NCAPD2: variants seen among roughly 807,000 people sequenced by gnomAD.
NCAPD2 encodes condensin complex subunit 1.
A neutral mutation model predicts 164.5 loss-of-function variants in NCAPD2; 100 were observed. That is an observed-to-expected ratio of 0.61 (90% CI 0.52 to 0.72). The LOEUF (loss-of-function observed/expected upper bound fraction) is 0.72, where lower values mean the gene tolerates loss of function less well. Among genes scored for constraint, NCAPD2 ranks in the 30% least tolerant of loss-of-function variants. The probability of loss-of-function intolerance (pLI) is 0.00; values close to 1 mark genes in which losing one functional copy is unlikely to be tolerated. For missense variants in NCAPD2, 1,560 were observed against 1,749.2 expected (o/e 0.89, Z 1.93); for synonymous variants, 585 against 642.6 (o/e 0.91, Z 1.36).
intron 2 of NCAPD2, among the ~76,000 whole-genome samples, chr12:6,508,401 C>T (rs1033071178): frequency 6.6e-6 from 1 of 151,842 alleles, no homozygotes; most frequent in Non-Finnish European, 1.5e-5. Flanking sequence ...ATCGCAGAGA[C>T]CAAGTATGGG....
In NCAPD2 at chr12:6,526,048, CTG is replaced by C; in HGVS notation, c.2349-17_2349-16del. On this transcript the variant is annotated intron_variant, in intron 18 of 31. Coordinates refer to ENST00000315579, the MANE Select transcript of NCAPD2 (RefSeq NM_014865.4). ...GTCCAATCCATGACTGCCTTTAACT[CTG>C]TGGCTTCCTTCCCCTAGAGGAAAGC... 1 of 1,612,530 alleles carries C rather than the reference CTG, an allele frequency of 6.2e-7. No homozygotes were observed. The highest frequency in any genetic ancestry group is 8.5e-7 in the Non-Finnish European group (1 of 1,179,704).
chr12:6,503,173 A>G (rs1946054490), intron 2 of NCAPD2, among the ~76,000 whole-genome samples: 2 of 152,074 alleles, frequency 1.3e-5, no homozygotes, highest in South Asian at 2.1e-4. Context: ...TTTCTAATAC[A>G]CTTACTGTAA....
At position 6,528,911 on chromosome 12, in the gene NCAPD2, T is replaced by G. The variant is rs1325094749; in HGVS notation, c.3478-34T>G. On this transcript the variant is annotated intron_variant, in intron 26 of 31. Coordinates refer to ENST00000315579, the MANE Select transcript of NCAPD2 (RefSeq NM_014865.4). The surrounding 1 kb of genome is among the most constrained non-coding windows in gnomAD (Gnocchi z 5.1). ...CTGCAGAGGGAATCTGTAGGTCACC[T>G]CATCTCCTTAACATGGCTCTCTCTG... 5 of 1,613,680 alleles carry G rather than the reference T, an allele frequency of 3.1e-6. No individual in the cohort carries two copies. Among genetic ancestry groups the G allele is most frequent in the Admixed American group, 1.7e-5 (1 of 60,006 alleles).
At position 6,518,511 on chromosome 12, in the gene NCAPD2, T is replaced by TTTTTTTTTTG. The variant is rs1946229777; in HGVS notation, c.1589+561_1589+562insGTTTTTTTTT. ...CCTTACAGCCGTCAACAAGTTTTTT[T>TTTTTTTTTTG]TTTTTTTTTTTTTTTTTTTTTTTGA... On this transcript the variant is annotated intron_variant, in intron 13 of 31. Transcript: ENST00000315579. Among the ~76,000 whole-genome samples, 4 of 99,868 alleles carry TTTTTTTTTTG rather than the reference T, an allele frequency of 4.0e-5. 1 individual carries two copies. The South Asian group carries it at 1.2e-3, about 30-fold the overall frequency. 65.5% of individuals were successfully genotyped at this position (99,868 alleles called of 152,430 possible).
At position 6,509,493 on chromosome 12, in the gene NCAPD2, C is replaced by T. The variant is rs185896021; in HGVS notation, c.128-224C>T. On this transcript the variant is annotated intron_variant, in intron 2 of 31. Coordinates refer to ENST00000315579, the MANE Select transcript of NCAPD2 (RefSeq NM_014865.4). ...GGCCAGGCTGGTCTCAACTTCTGAC[C>T]GCAGGTAATCCACCCGTCTCAGCCT... Among the ~76,000 whole-genome samples, 26 of 152,096 alleles carry T rather than the reference C, an allele frequency of 1.7e-4. No individual in the cohort carries two copies. In the East Asian group the frequency reaches 1.9e-3, roughly 11 times the overall value.
chr12:6,513,733 T>TTGC (rs1946173101), intron 6 of NCAPD2, among the ~76,000 whole-genome samples: 2 of 124,238 alleles, frequency 1.6e-5, no homozygotes, highest in African/African-American at 3.0e-5. Flanking sequence ...TTTTTTTTTT[T>TTGC]GTGATGGAGT....
rs151155949 is a variant in NCAPD2 at position 6,507,177 on chromosome 12, A to G, written c.128-2540A>G. Among the ~76,000 whole-genome samples the G allele has an allele frequency of 8.8e-4, 134 of 152,258 alleles. 1 individual carries two copies. The highest frequency in any genetic ancestry group is 3.0e-3 in the African/African-American group (125 of 41,540). ...TTTATTTTTGAGATGGTGCCTCACC[A>G]TGTTGCCCAGGCGGATCTTGAACTC... On this transcript the variant is annotated intron_variant, in intron 2 of 31. Transcript: ENST00000315579.
At chr12:6,514,010 C>T (rs187373294) in intron 6 of NCAPD2, among the ~76,000 whole-genome samples, 6 of 152,184 alleles carry the variant, frequency 3.9e-5, no homozygotes, top group Admixed American at 1.3e-4. Context: ...CCACCACACC[C>T]GGCCAACTCT....
chr12:6,501,677 T>C (rs933681401), intron 2 of NCAPD2, among the ~76,000 whole-genome samples: 7 of 152,120 alleles, frequency 4.6e-5, no homozygotes, highest in Admixed American at 1.3e-4. Context: ...AGCCATGAGA[T>C]TGCAGTGAGT....
rs757893568 is a variant in NCAPD2, at chr12:6,521,057, C to T, written c.1661C>T (p.Pro554Leu). Residue 554 changes from proline to leucine, a missense_variant, in exon 14 of 32, where the codon CCA becomes CTA. Transcript: ENST00000315579. ...TCCGAACCCTTCAGTCATATAGACC[C>T]AGAGGAGTCAGAGGAGACCAGGCTC... ...QESEPFSHID[P>L]EESEETRLLN... The T allele has an allele frequency of 1.9e-6, 3 of 1,614,068 alleles. No homozygotes were observed. The East Asian group carries it at 6.7e-5, about 36-fold the overall frequency.
chr12:6,518,453 G>A (rs1946224595), intron 13 of NCAPD2, among the ~76,000 whole-genome samples: 1 of 124,276 alleles, frequency 8.0e-6, no homozygotes, highest in African/African-American at 3.1e-5. Context: ...TTCTCCTAGT[G>A]TTTTTGTGAC....
Position 6,525,661 on chromosome 12 carries a change from G to A in NCAPD2, c.2293G>A (p.Ala765Thr), listed in dbSNP as rs778270049. Residue 765 changes from alanine to threonine, a missense_variant, in exon 18 of 32, where the codon GCC becomes ACC. Ala to Thr is a moderately conservative substitution (Grantham distance 58). Coordinates refer to ENST00000315579, the MANE Select transcript of NCAPD2 (RefSeq NM_014865.4). Reference protein sequence around the residue: ...LLWERATEKVACCPLERCSSV... With the variant: ...LLWERATEKVTCCPLERCSSV... ...GTGGGAGCGGGCCACCGAGAAGGTC[G>A]CCTGCTGTCCTCTGGAGCGCTGTTC... 17 of 1,613,560 alleles carry A rather than the reference G, an allele frequency of 1.1e-5. No homozygotes were observed. The highest frequency in any genetic ancestry group is 1.6e-4 in the Middle Eastern group (1 of 6,084).
intron 28 of NCAPD2, 49 bp downstream of exon 28, chr12:6,529,642 G>C: frequency 6.2e-7 from 1 of 1,608,244 alleles, no homozygotes; most frequent in African/African-American, 1.3e-5. Context: ...GGCCCTGCAG[G>C]GGAGAAAGGC....
intron 2 of NCAPD2, among the ~76,000 whole-genome samples, chr12:6,506,954 G>T (rs10774435): frequency 0.22 from 33,584 of 152,140 alleles, 3,923 homozygotes; most frequent in South Asian, 0.28. Flanking sequence ...GACATACATA[G>T]GTGCCTTACT....
rs142419496 is a variant in NCAPD2 at position 6,528,320 on chromosome 12, G to C, written c.3291G>C (p.Leu1097=). 4.3e-6 allele frequency: 7 copies of C among 1,613,534 alleles called. No homozygotes were observed. In the African/African-American group the frequency reaches 6.7e-5, roughly 15 times the overall value. Residue 1097 remains leucine (L), a synonymous_variant, in exon 25 of 32, where the codon CTG becomes CTC. Transcript: ENST00000315579. This position sits in a 1 kb window ranked among gnomAD's most constrained non-coding sequence, Gnocchi z 5.1. The part of the protein sequence containing the change: ...PNLVDPWTPH[L]YARLRDPAQQ... ...TGGTGGACCCCTGGACTCCTCATCT[G>C]TATGCTCGGTAAGAGACCCCTCACA...
chr12:6,503,728 GCC>G lies in NCAPD2; in HGVS notation c.128-5988_128-5987del, dbSNP rs1441548360. On this transcript the variant is annotated intron_variant, in intron 2 of 31. Transcript: ENST00000315579. ...GGAGGTTGTAGTGAGCCGAGATCGT[GCC>G]ACTGCACTTCAGCCTGGGTGACAGA... Among the ~76,000 whole-genome samples the G allele has an allele frequency of 9.5e-4, 144 of 151,504 alleles. 1 individual carries two copies. The highest frequency in any genetic ancestry group is 3.3e-3 in the African/African-American group (136 of 41,222).
chr12:6,510,894 C>T (rs967790664), intron 5 of NCAPD2, 84 bp downstream of exon 5: 17 of 1,477,540 alleles, frequency 1.2e-5, no homozygotes, highest in Non-Finnish European at 1.5e-5. Context: ...CAATGATCCA[C>T]AAATCCTTTC....
intron 15 of NCAPD2, 40 bp downstream of exon 15, chr12:6,522,077 T>G: frequency 6.4e-7 from 1 of 1,573,378 alleles, no homozygotes. Flanking sequence ...GCCTTGGGGT[T>G]CTTTTGGATT....
At chr12:6,518,757 G>T (rs1007262905) in intron 13 of NCAPD2, among the ~76,000 whole-genome samples, 1 of 151,904 alleles carries the variant, frequency 6.6e-6, no homozygotes, top group South Asian at 2.1e-4. Context: ...CTGACCTCAG[G>T]TGATCCACCC....
Sources: allele counts gnomAD v4.1 joint callset (sites outside exome capture counted in the v4.1 genomes callset), GRCh38; gene constraint gnomAD v4.1.1; non-coding constraint Gnocchi (gnomAD v3.1); transcripts MANE v1.5; gene names NCBI Gene and HGNC (gene_info 2026-07-23, HGNC 2026-07-21).